Variants in MARCHF1 observed in about 807,000 individuals in gnomAD.
MARCHF1 encodes membrane associated ring-CH-type finger 1, also known as E3 ubiquitin-protein ligase MARCHF1.
MARCHF1 carries 40 observed loss-of-function variants against 54.2 expected under a neutral mutation model. That is an observed-to-expected ratio of 0.74 (90% confidence interval 0.57 to 0.96). The LOEUF (loss-of-function observed/expected upper bound fraction) is 0.96, where lower values mean the gene tolerates loss of function less well. MARCHF1 is among the 40% of genes least tolerant of loss of function. The probability of loss-of-function intolerance (pLI) is 0.00; values close to 1 mark genes in which losing one functional copy is unlikely to be tolerated. For synonymous variants in MARCHF1, 236 were observed against 236.3 expected, an observed-to-expected ratio of 1.00 and a Z score of 0.01; for missense variants, 586 against 656.5, an observed-to-expected ratio of 0.89 and a Z score of 1.17.
intron 3 of MARCHF1, among the ~76,000 whole-genome samples, chr4:163,907,972 A>G (rs917920205): frequency 2.0e-5 from 3 of 152,132 alleles, no homozygotes; most frequent in Non-Finnish European, 4.4e-5. Flanking sequence ...CCCCTCTAAA[A>G]GTCTCAACTC....
intron 9 of MARCHF1, chr4:163,529,873 G>A: frequency 6.6e-6 from 1 of 152,016 alleles, no homozygotes; most frequent in Non-Finnish European, 1.5e-5. Context: ...TGAGGGTCAA[G>A]TGGTCCTCTT....
intron 3 of MARCHF1, among the ~76,000 whole-genome samples, chr4:163,928,443 T>C (rs1420032944): frequency 2.0e-5 from 3 of 151,934 alleles, no homozygotes; most frequent in Non-Finnish European, 2.9e-5. Flanking sequence ...CTTTTTGGCA[T>C]TTAGGTGGAC....
rs1751430783 is a variant in MARCHF1, at chr4:163,921,563, C to A, written c.-39+66938G>T. Among the ~76,000 whole-genome samples, 4 of 152,152 alleles carry A rather than the reference C, an allele frequency of 2.6e-5. No homozygotes were observed. In the East Asian group the frequency reaches 7.7e-4, roughly 29 times the overall value. ...GTACAGTAAGACAATAAAATAATTT[C>A]TAGTAAGATAGCAATAGTACACACA... On this transcript the variant is annotated intron_variant, in intron 3 of 9. Transcript: ENST00000514618.
intron 4 of MARCHF1, among the ~76,000 whole-genome samples, chr4:163,848,295 A>G (rs773988257): frequency 1.9e-4 from 29 of 152,290 alleles, no homozygotes; most frequent in Middle Eastern, 6.8e-3. Context: ...GCTGATGAAC[A>G]TATGTTTGAA....
chr4:163,712,775 A>G (rs1320095238), intron 4 of MARCHF1, among the ~76,000 whole-genome samples: 2 of 152,202 alleles, frequency 1.3e-5, no homozygotes, highest in African/African-American at 4.8e-5. Flanking sequence ...GAAAGTTGAT[A>G]CTGCCTGTGT....
At chr4:164,257,469 T>G (rs1733323019) in intron 1 of MARCHF1, among the ~76,000 whole-genome samples, 1 of 139,654 alleles carries the variant, frequency 7.2e-6, no homozygotes, top group South Asian at 2.4e-4. Context: ...TTTTGTTTCA[T>G]TCTTTTTTTC....
intron 7 of MARCHF1, among the ~76,000 whole-genome samples, chr4:163,610,714 G>C (rs1308441026): frequency 1.3e-5 from 2 of 152,164 alleles, no homozygotes; most frequent in Non-Finnish European, 2.9e-5. Context: ...TACATTTATA[G>C]GTAAATTACA....
chr4:164,272,715 G>A (rs1345734321), intron 1 of MARCHF1, among the ~76,000 whole-genome samples: 1 of 151,790 alleles, frequency 6.6e-6, no homozygotes, highest in East Asian at 1.9e-4. Flanking sequence ...CAGGTAGTGA[G>A]TATTAGCATT....
chr4:163,711,262 G>A (rs1466227467), intron 4 of MARCHF1, among the ~76,000 whole-genome samples: 1 of 152,114 alleles, frequency 6.6e-6, no homozygotes, highest in Non-Finnish European at 1.5e-5. Flanking sequence ...TTAATTGACT[G>A]TTCCTTCCTA....
At chr4:163,719,539 T>C (rs1745376983) in intron 4 of MARCHF1, among the ~76,000 whole-genome samples, 2 of 152,180 alleles carry the variant, frequency 1.3e-5, no homozygotes, top group South Asian at 2.1e-4. Flanking sequence ...CCTTTGGGTA[T>C]ATACGCAGTA....
At chr4:163,668,355 C>T (rs2111120741) in intron 5 of MARCHF1, among the ~76,000 whole-genome samples, 1 of 152,184 alleles carries the variant, frequency 6.6e-6, no homozygotes, top group East Asian at 1.9e-4. Flanking sequence ...TACCTGCCCT[C>T]AAGAATGGTC....
intron 1 of MARCHF1, among the ~76,000 whole-genome samples, chr4:164,249,118 C>G (rs1733048311): frequency 1.3e-5 from 2 of 152,026 alleles, no homozygotes; most frequent in South Asian, 4.1e-4. Context: ...TATTTATTTA[C>G]AATCCCGGGG....
At chr4:164,010,598 C>T (rs1200490794) in intron 2 of MARCHF1, among the ~76,000 whole-genome samples, 1 of 151,848 alleles carries the variant, frequency 6.6e-6, no homozygotes, top group Non-Finnish European at 1.5e-5. Flanking sequence ...AATTATAAAA[C>T]ATTAATGAAA....
In MARCHF1 at chr4:164,382,257, TAAGA is replaced by T. The variant is rs1401375259; in HGVS notation, c.-323+1609_-323+1612del. ...CAAACTTTATCAAAAGAGCAATCAC[TAAGA>T]AAAATTATTTCAATCCTGTTTCAGA... On this transcript the variant is annotated intron_variant, in intron 1 of 9. Transcript: ENST00000514618. Among the ~76,000 whole-genome samples the T allele has an allele frequency of 3.3e-5, 5 of 152,114 alleles. No individual in the cohort carries two copies. The East Asian group carries it at 7.7e-4, about 23-fold the overall frequency.
At chr4:164,111,747 C>A (rs951776136) in intron 1 of MARCHF1, 85 bp from the exon 2 acceptor site, 2 of 151,640 alleles carry the variant, frequency 1.3e-5, no homozygotes, top group African/African-American at 4.8e-5. Flanking sequence ...AAAGACCACA[C>A]AAATGTTGTA....
chr4:164,380,793 G>A (rs1162952046), intron 1 of MARCHF1, among the ~76,000 whole-genome samples: 1 of 152,082 alleles, frequency 6.6e-6, no homozygotes, highest in Non-Finnish European at 1.5e-5. Context: ...TTCAGCCAAG[G>A]TTTTACTGAC....
intron 1 of MARCHF1, among the ~76,000 whole-genome samples, chr4:164,161,542 TCATCAG>T (rs1263949923): frequency 3.5e-3 from 534 of 151,288 alleles, no homozygotes; most frequent in Non-Finnish European, 5.9e-3. Context: ...ATCATCATCA[TCATCAG>T]CAGCAGCAGC....
chr4:164,273,231 G>GAAGCA (rs1733786909), intron 1 of MARCHF1, among the ~76,000 whole-genome samples: 2 of 152,046 alleles, frequency 1.3e-5, no homozygotes, highest in African/African-American at 4.8e-5. Flanking sequence ...AGACAAAGGG[G>GAAGCA]AAGCAAGGCA....
chr4:163,754,968 AT>A (rs1746624772), intron 4 of MARCHF1, among the ~76,000 whole-genome samples: 1 of 152,172 alleles, frequency 6.6e-6, no homozygotes, highest in African/African-American at 2.4e-5. Context: ...TAGTCTCACT[AT>A]CCATTTAAGT....
Sources: allele counts gnomAD v4.1 joint callset (sites outside exome capture counted in the v4.1 genomes callset), GRCh38; gene constraint gnomAD v4.1.1; transcripts MANE v1.5; gene names NCBI Gene and HGNC (gene_info 2026-07-23, HGNC 2026-07-21).